PUM1: variants seen among roughly 807,000 people sequenced by gnomAD.
The protein encoded by PUM1 is pumilio RNA binding family member 1.
A neutral mutation model predicts 131.8 loss-of-function variants in PUM1; 13 were observed. That is an observed-to-expected ratio of 0.10 (90% CI 0.06 to 0.16). PUM1 has a LOEUF of 0.16. Ranked by LOEUF, PUM1 falls within the 10% of genes least tolerant of loss-of-function variation. The pLI is 1.00. For synonymous variants in PUM1, 509 were observed against 556.5 expected (o/e 0.91, Z 1.20); for missense variants, 961 against 1,512.4 (o/e 0.64, Z 6.05).
intron 2 of PUM1, among the ~76,000 whole-genome samples, chr1:31,051,558 C>A (rs1436535335): frequency 6.6e-6 from 1 of 152,050 alleles, no homozygotes; most frequent in African/African-American, 2.4e-5. Context: ...CTGCCTTGGC[C>A]TCCCAAAGTG....
At chr1:31,064,603 CTTAA>C (rs1557613925) in intron 1 of PUM1, among the ~76,000 whole-genome samples, 2 of 152,080 alleles carry the variant, frequency 1.3e-5, no homozygotes, top group Non-Finnish European at 2.9e-5. Context: ...AAATCTTATT[CTTAA>C]TTAATCCCAG....
intron 20 of PUM1, among the ~76,000 whole-genome samples, chr1:30,938,904 TAGACAGACAGAC>T (rs59153241): frequency 5.3e-3 from 379 of 70,876 alleles, no homozygotes; most frequent in African/African-American, 0.013. Context: ...GATAGATAGA[TAGACAGACAGAC>T]AGACAGACAG....
At chr1:30,965,936 A>G (rs769609374) in intron 13 of PUM1, 46 bp downstream of exon 13, 1 of 1,542,056 alleles carries the variant, frequency 6.5e-7, no homozygotes, top group Non-Finnish European at 8.8e-7. Context: ...AGGATTGTAA[A>G]AATAATTAAA....
At position 30,950,193 on chromosome 1, in the gene PUM1, T is replaced by C. The variant is rs746694396; in HGVS notation, c.2790A>G (p.Leu930=). 2.5e-6 allele frequency: 4 copies of C among 1,614,032 alleles called. No homozygotes were observed. Among genetic ancestry groups the C allele is most frequent in the South Asian group, 2.2e-5 (2 of 91,056 alleles). ...RIRGHVLSLA[L]QMYGCRVIQK... ...GGATAACACGGCAGCCATACATCTG[T>C]AGTGCCAATGACAGGACGTGGCCTC... The change falls in exon 17 of 22, where the codon CTA becomes CTG. Residue 930 remains leucine (L), a synonymous_variant. Coordinates refer to ENST00000426105, the MANE Select transcript of PUM1 (RefSeq NM_001020658.2).
intron 21 of PUM1, among the ~76,000 whole-genome samples, chr1:30,935,421 T>G (rs961330435): frequency 1.3e-5 from 2 of 152,226 alleles, no homozygotes; most frequent in Non-Finnish European, 2.9e-5. Flanking sequence ...TCCCAGTAAC[T>G]ATCTGTGCAC....
chr1:30,965,706 T>C (rs917030575), intron 13 of PUM1, among the ~76,000 whole-genome samples: 2 of 152,184 alleles, frequency 1.3e-5, no homozygotes, highest in Admixed American at 1.3e-4. Flanking sequence ...TACAGTTCCC[T>C]CAATATTTTT....
At chr1:30,971,146 A>G (rs1640858749) in intron 10 of PUM1, among the ~76,000 whole-genome samples, 1 of 152,202 alleles carries the variant, frequency 6.6e-6, no homozygotes, top group Non-Finnish European at 1.5e-5. Context: ...AAGTCTAATA[A>G]ATCACAAAAT....
At chr1:31,047,736 T>A (rs917235715) in intron 2 of PUM1, among the ~76,000 whole-genome samples, 1 of 151,966 alleles carries the variant, frequency 6.6e-6, no homozygotes, top group African/African-American at 2.4e-5. Flanking sequence ...TGAGGTCACG[T>A]GTTCGAGACA....
chr1:30,968,358 C>T lies in PUM1; in HGVS notation c.1641G>A (p.Met547Ile). ...LAFGQGLAAGMPGYPVLAPAA... is the reference protein window; with the variant it reads ...LAFGQGLAAGIPGYPVLAPAA... ...GGAATAACAATGCAGCCGCACCTGG[C>T]ATGCCTGCTGCCAGACCTTGTCCAA... Residue 547 changes from methionine to isoleucine, a missense_variant, in exon 11 of 22, where the codon ATG becomes ATA. Met to Ile is a conservative substitution (Grantham distance 10). Coordinates refer to ENST00000426105, the MANE Select transcript of PUM1 (RefSeq NM_001020658.2). 6.3e-7 allele frequency: 1 copy of T among 1,584,224 alleles called. No individual in the cohort carries two copies. Among genetic ancestry groups the T allele is most frequent in the Admixed American group, 1.8e-5 (1 of 56,150 alleles).
chr1:31,056,546 G>A (rs567602405), intron 2 of PUM1, among the ~76,000 whole-genome samples: 2 of 146,522 alleles, frequency 1.4e-5, no homozygotes, highest in African/African-American at 5.0e-5. Context: ...ACCTCCCAAA[G>A]TGTTGAGATT....
Position 30,950,224 on chromosome 1 carries a change from C to T in PUM1, c.2759G>A (p.Arg920Gln). ...SLEQKLALAE[R>Q]IRGHVLSLAL... is the part of the protein sequence containing the mutation. ...CAATGACAGGACGTGGCCTCGAATC[C>T]GTTCTGCCAAAGCCAGCTTCTGTTC... The change falls in exon 17 of 22, where the codon CGG (arginine) becomes CAG (glutamine). Residue 920 changes from arginine to glutamine, a missense_variant. By Grantham distance (43) the Arg-to-Gln change is conservative. Around this residue, in one of 4 missense-constraint regions of PUM1, gnomAD observed 12 missense variants for 60.3 expected, o/e 0.20. Coordinates refer to ENST00000426105, the MANE Select transcript of PUM1 (RefSeq NM_001020658.2). 1.2e-6 allele frequency: 2 copies of T among 1,613,976 alleles called. No homozygotes were observed. The highest frequency in any genetic ancestry group is 8.5e-7 in the Non-Finnish European group (1 of 1,179,904).
chr1:30,941,048 A>T (rs1639421073), intron 20 of PUM1, 103 bp downstream of exon 20: 1 of 1,352,594 alleles, frequency 7.4e-7, no homozygotes, highest in Non-Finnish European at 1.0e-6. Context: ...ATATACTTTG[A>T]AAACAACAAC....
intron 2 of PUM1, among the ~76,000 whole-genome samples, chr1:31,054,048 C>T (rs917860427): frequency 3.7e-5 from 5 of 135,620 alleles, no homozygotes; most frequent in Non-Finnish European, 7.6e-5. Flanking sequence ...GAGCTGAGAT[C>T]GCGTCACTGC....
intron 2 of PUM1, among the ~76,000 whole-genome samples, chr1:31,034,640 T>C (rs1332304843): frequency 6.6e-6 from 1 of 152,192 alleles, no homozygotes; most frequent in Non-Finnish European, 1.5e-5. Context: ...CCCACATATA[T>C]ATTTCTTGCT....
chr1:30,936,189 C>T (rs909923049), intron 21 of PUM1, among the ~76,000 whole-genome samples: 1 of 151,076 alleles, frequency 6.6e-6, no homozygotes, highest in Non-Finnish European at 1.5e-5. Flanking sequence ...AGAATGTACT[C>T]TGTGGGCAGG....
intron 18 of PUM1, among the ~76,000 whole-genome samples, chr1:30,942,848 C>T (rs1639512914): frequency 6.6e-6 from 1 of 152,314 alleles, no homozygotes; most frequent in East Asian, 1.9e-4. Context: ...AGCTCTTGCA[C>T]TCAGGTCATC....
chr1:31,043,317 C>T (rs1183131964), intron 2 of PUM1, among the ~76,000 whole-genome samples: 1 of 152,026 alleles, frequency 6.6e-6, no homozygotes, highest in Non-Finnish European at 1.5e-5. Context: ...ATTCTCCTGC[C>T]TCAGCCACCT....
At chr1:31,020,934 T>A (rs1642998165) in intron 3 of PUM1, among the ~76,000 whole-genome samples, 1 of 152,148 alleles carries the variant, frequency 6.6e-6, no homozygotes, top group Admixed American at 6.5e-5. Context: ...CAAGAAGGAA[T>A]TACACACAAC....
chr1:30,976,289 C>A (rs574177629), intron 9 of PUM1, among the ~76,000 whole-genome samples: 38 of 152,292 alleles, frequency 2.5e-4, no homozygotes, highest in African/African-American at 8.9e-4. Flanking sequence ...ACACCAAAGA[C>A]ACATTTGCTA....
Sources: allele counts gnomAD v4.1 joint callset (sites outside exome capture counted in the v4.1 genomes callset), GRCh38; gene constraint gnomAD v4.1.1; regional missense constraint gnomAD v4.1.1; transcripts MANE v1.5; gene names NCBI Gene and HGNC (gene_info 2026-07-23, HGNC 2026-07-21).